Variants in PAK1 observed in about 807,000 individuals in gnomAD.
PAK1 encodes the protein serine/threonine-protein kinase PAK 1.
A neutral mutation model predicts 67.4 loss-of-function variants in PAK1; 29 were observed. That is an observed-to-expected ratio of 0.43 (90% confidence interval 0.32 to 0.59). The LOEUF is 0.59. Ranked by LOEUF, PAK1 falls within the 20% of genes least tolerant of loss-of-function variation. PAK1 has a pLI of 0.07. For synonymous variants in PAK1, 223 were observed against 237.4 expected (o/e 0.94, Z 0.56); for missense variants, 337 against 670.7 (o/e 0.50, Z 5.50).
chr11:77,461,405 G>C (rs539636912), intron 1 of PAK1, among the ~76,000 whole-genome samples: 1 of 152,276 alleles, frequency 6.6e-6, no homozygotes, highest in Admixed American at 6.5e-5. Flanking sequence ...CCATAATCTG[G>C]ATGGACTTCA....
At position 77,379,893 on chromosome 11, in the gene PAK1, C is replaced by T. The variant is rs1000719285; in HGVS notation, c.291+1G>A. 1 of 1,608,466 alleles carries T rather than the reference C, an allele frequency of 6.2e-7. No individual in the cohort carries two copies. ...AGACCTTTCTGTGACCCAGGACTTA[C>T]CGTAAACTCCCCTGTGACAGCATCA... is the stretch of plus-strand genomic sequence containing the variant. On this transcript the variant is annotated splice_donor_variant, in intron 3 of 14. Coordinates refer to ENST00000356341, the MANE Select transcript of PAK1 (RefSeq NM_002576.5). LOFTEE classifies it high-confidence loss of function.
At chr11:77,485,923 T>C in the PAK1 span, among the ~76,000 whole-genome samples, 1 of 152,220 alleles carries the variant, frequency 6.6e-6, no homozygotes. Context: ...TCTCTTACGG[T>C]AAAAGAGATG....
intron 1 of PAK1, among the ~76,000 whole-genome samples, chr11:77,432,731 C>CA (rs542585512): frequency 1.4e-4 from 21 of 145,912 alleles, no homozygotes; most frequent in Non-Finnish European, 2.0e-4. Context: ...GAATCAACAC[C>CA]AAAAAAAAAA....
the PAK1 span, among the ~76,000 whole-genome samples, chr11:77,479,984 T>C: frequency 1.3e-5 from 2 of 152,204 alleles, no homozygotes; most frequent in Admixed American, 6.5e-5. Context: ...CCAGAATTTC[T>C]ATCAGGAGAA....
the PAK1 span, among the ~76,000 whole-genome samples, chr11:77,526,196 G>T: frequency 1.3e-5 from 2 of 152,024 alleles, no homozygotes; most frequent in Non-Finnish European, 2.9e-5. Context: ...CTAATCTAAC[G>T]CATTTATTCT....
At chr11:77,525,808 T>C in the PAK1 span, among the ~76,000 whole-genome samples, 2 of 152,216 alleles carry the variant, frequency 1.3e-5, no homozygotes, top group Non-Finnish European at 2.9e-5. Context: ...TCAGTTTGGG[T>C]TTCTTTTCTT....
intron 1 of PAK1, among the ~76,000 whole-genome samples, chr11:77,454,685 G>A (rs1957007476): frequency 6.6e-6 from 1 of 152,158 alleles, no homozygotes; most frequent in Non-Finnish European, 1.5e-5. Flanking sequence ...TCCAGAATTT[G>A]CATTTTTAGC....
At position 77,432,791 on chromosome 11, in the gene PAK1, T is replaced by C. The variant is rs185104998; in HGVS notation, c.-21-40250A>G. ...AAGGTTTCAGGATACAAAAATCAAC[T>C]GTATTTCTATACACAGCAATGAACA... On this transcript the variant is annotated intron_variant, in intron 1 of 14. Transcript: ENST00000356341. 5.5e-3 allele frequency among the ~76,000 whole-genome samples: 829 copies of C among 151,826 alleles called. 9 individuals carry two copies. The highest frequency in any genetic ancestry group is 7.3e-3 in the Non-Finnish European group (497 of 67,942).
chr11:77,460,650 G>C (rs538736718), intron 1 of PAK1, among the ~76,000 whole-genome samples: 1 of 152,070 alleles, frequency 6.6e-6, no homozygotes, highest in East Asian at 1.9e-4. Flanking sequence ...ATTTAAAGAT[G>C]CCATAAAGCG....
chr11:77,516,613 G>A, the PAK1 span, among the ~76,000 whole-genome samples: 1 of 152,176 alleles, frequency 6.6e-6, no homozygotes, highest in African/African-American at 2.4e-5. Context: ...GGGTGGTCAA[G>A]TGACTAGAGC....
chr11:77,527,288 TG>T, the PAK1 span, among the ~76,000 whole-genome samples: 4 of 151,680 alleles, frequency 2.6e-5, no homozygotes, highest in Non-Finnish European at 5.9e-5. Flanking sequence ...TTTTTTGTAG[TG>T]ATGGGGATTC....
At chr11:77,394,070 T>A (rs948793806) in intron 1 of PAK1, among the ~76,000 whole-genome samples, 1 of 152,194 alleles carries the variant, frequency 6.6e-6, no homozygotes, top group East Asian at 1.9e-4. Context: ...AATGTTATTA[T>A]CTTAAATAAA....
At chr11:77,399,664 C>A (rs906813809) in intron 1 of PAK1, among the ~76,000 whole-genome samples, 1 of 151,348 alleles carries the variant, frequency 6.6e-6, no homozygotes, top group Non-Finnish European at 1.5e-5. Flanking sequence ...TCGAGACCAT[C>A]CCGGCTAAAA....
rs1944367349 is a variant in PAK1 at position 77,346,066 on chromosome 11, A to C, written c.886-2135T>G. ...TCTGCTCACTGCAACCTCTGCCCCCAGGGTTCAAGTGATTCTCCTGCCTCA... is the reference window on the plus strand; with the variant it reads ...TCTGCTCACTGCAACCTCTGCCCCCCGGGTTCAAGTGATTCTCCTGCCTCA... On this transcript the variant is annotated intron_variant, in intron 9 of 14. Coordinates refer to ENST00000356341, the MANE Select transcript of PAK1 (RefSeq NM_002576.5). Among the ~76,000 whole-genome samples, 5 of 152,088 alleles carry C rather than the reference A, an allele frequency of 3.3e-5. No homozygotes were observed. The South Asian group carries it at 1.0e-3, about 32-fold the overall frequency.
At chr11:77,361,533 G>T (rs1379421674) in intron 5 of PAK1, among the ~76,000 whole-genome samples, 1 of 152,168 alleles carries the variant, frequency 6.6e-6, no homozygotes, top group Non-Finnish European at 1.5e-5. Flanking sequence ...ACCACTGGAG[G>T]ACTGTGAGTA....
the PAK1 span, among the ~76,000 whole-genome samples, chr11:77,504,173 G>A: frequency 5.3e-5 from 8 of 152,014 alleles, no homozygotes; most frequent in Admixed American, 1.3e-4. Flanking sequence ...GATTATAGGC[G>A]TGAGCCACTG....
chr11:77,407,751 G>A (rs1953830409), intron 1 of PAK1, among the ~76,000 whole-genome samples: 1 of 152,198 alleles, frequency 6.6e-6, no homozygotes, highest in Non-Finnish European at 1.5e-5. Flanking sequence ...GGAACAGGGA[G>A]GAAAGGAAGG....
At chr11:77,391,933 A>G (rs1951187743) in intron 2 of PAK1, among the ~76,000 whole-genome samples, 1 of 152,246 alleles carries the variant, frequency 6.6e-6, no homozygotes, top group African/African-American at 2.4e-5. Flanking sequence ...AAGCTGGAAT[A>G]AAGAAAAGGC....
chr11:77,407,727 G>C (rs1462084061), intron 1 of PAK1, among the ~76,000 whole-genome samples: 1 of 152,142 alleles, frequency 6.6e-6, no homozygotes, highest in Non-Finnish European at 1.5e-5. Context: ...GCCAGAAATT[G>C]AATTTAAGTA....
Sources: allele counts gnomAD v4.1 joint callset (sites outside exome capture counted in the v4.1 genomes callset), GRCh38; gene constraint gnomAD v4.1.1; transcripts MANE v1.5; gene names NCBI Gene and HGNC (gene_info 2026-07-23, HGNC 2026-07-21).